UHRF1: variants seen among roughly 807,000 people sequenced by gnomAD.
UHRF1 encodes ubiquitin like with PHD and ring finger domains 1.
UHRF1 carries 9 observed loss-of-function variants against 96.5 expected under a neutral mutation model. The observed-to-expected ratio is 0.09, with a 90% CI of 0.06 to 0.16. UHRF1 has a LOEUF of 0.16. UHRF1 is among the 10% of genes least tolerant of loss of function. The pLI is 1.00. For synonymous variants in UHRF1, 455 were observed against 469.9 expected, an observed-to-expected ratio of 0.97 and a Z score of 0.41; for missense variants, 626 against 1,131.1, an observed-to-expected ratio of 0.55 and a Z score of 6.40.
chr19:4,924,781 C>A (rs8107622), intron 2 of UHRF1, among the ~76,000 whole-genome samples: 1,599 of 151,326 alleles, frequency 0.011, 33 homozygotes, highest in African/African-American at 0.037. Context: ...ATCTTCATCT[C>A]TGAGTCCACA....
rs1164677600 is a variant in UHRF1 at position 4,960,820 on chromosome 19, G to C, written c.*17G>C. 1.4e-6 allele frequency: 2 copies of C among 1,446,396 alleles called. No individual in the cohort carries two copies. The highest frequency in any genetic ancestry group is 2.0e-5 in the Admixed American group (1 of 50,966). The allele number at this position is 1,446,396 out of a possible 1,614,324, so 89.6% of individuals were successfully genotyped here. A position where few individuals can be genotyped will look rare whatever the true frequency, so the allele number is the denominator to read the frequency against. ...GGCCGGTGATCTCCAAGCACTTCTCGACAGGCGTTTTGCTGAAAACGTGTC... is the reference window on the plus strand; with the variant it reads ...GGCCGGTGATCTCCAAGCACTTCTCCACAGGCGTTTTGCTGAAAACGTGTC... On this transcript the variant is annotated 3_prime_UTR_variant, in exon 17 of 17. Coordinates refer to ENST00000650932, the MANE Select transcript of UHRF1 (RefSeq NM_001048201.3).
At chr19:4,909,284 C>T (rs2032149488), upstream of UHRF1, 2 of 535,102 alleles carry the variant, frequency 3.7e-6, no homozygotes, top group Middle Eastern at 2.9e-4. Flanking sequence ...GCCACGCAGC[C>T]CCTTTGCACG....
intron 2 of UHRF1, among the ~76,000 whole-genome samples, chr19:4,928,941 G>A (rs541956064): frequency 1.1e-4 from 16 of 152,356 alleles, no homozygotes; most frequent in Admixed American, 4.6e-4. Flanking sequence ...CCATGTGTGC[G>A]TGGTGCCCCG....
chr19:4,922,258 A>G (rs890616976), intron 2 of UHRF1, among the ~76,000 whole-genome samples: 2 of 145,510 alleles, frequency 1.4e-5, no homozygotes, highest in African/African-American at 5.1e-5. Flanking sequence ...TTTGTTTTTT[A>G]TGTTTTCATT....
chr19:4,932,084 A>G (rs922993563), intron 4 of UHRF1, among the ~76,000 whole-genome samples: 3 of 151,924 alleles, frequency 2.0e-5, no homozygotes, highest in Admixed American at 6.6e-5. Context: ...ATGCGCCACC[A>G]CGCCTGGCTA....
At chr19:4,923,628 A>G (rs959325253) in intron 2 of UHRF1, among the ~76,000 whole-genome samples, 6 of 152,166 alleles carry the variant, frequency 3.9e-5, no homozygotes. Context: ...CCCTCTGCGC[A>G]CGTGGCCTTC....
At chr19:4,937,457 A>T (rs368357100) in intron 5 of UHRF1, among the ~76,000 whole-genome samples, 2 of 151,804 alleles carry the variant, frequency 1.3e-5, no homozygotes, top group African/African-American at 4.8e-5. Context: ...CGCCTCCTGG[A>T]TTCAAACGAT....
Position 4,913,782 on chromosome 19 carries a change from C to T in UHRF1, c.153+2744C>T, listed in dbSNP as rs562688674. On this transcript the variant is annotated intron_variant, in intron 2 of 16. Transcript: ENST00000650932. ...CATAACCGCCTCTTAGTTCCCTTAC[C>T]CTGTGGCTGTTTCCCATGCAGTAGC... Among the ~76,000 whole-genome samples the T allele has an allele frequency of 7.9e-5, 12 of 151,272 alleles. No individual in the cohort carries two copies. The East Asian group carries it at 2.3e-3, about 29-fold the overall frequency.
At chr19:4,941,478 T>G in intron 5 of UHRF1, 50 bp from the exon 6 acceptor site, 2 of 1,483,626 alleles carry the variant, frequency 1.3e-6, no homozygotes, top group Non-Finnish European at 1.9e-6. Flanking sequence ...TGTGAGTAGA[T>G]TTAGGGGCCT....
chr19:4,933,242 T>A (rs1311422926), intron 5 of UHRF1, among the ~76,000 whole-genome samples: 1 of 152,144 alleles, frequency 6.6e-6, no homozygotes, highest in Non-Finnish European at 1.5e-5. Context: ...GGTGTTTTTT[T>A]TATCGCTCTG....
Position 4,956,513 on chromosome 19 carries a change from T to C in UHRF1, c.2131-196T>C, listed in dbSNP as rs371348935. ...CCTCCCCACCTTGCCACTTGGGGTG[T>C]TGGGGACTTCAGGTGAGGCTCATGC... On this transcript the variant is annotated intron_variant, in intron 15 of 16. Coordinates refer to ENST00000650932, the MANE Select transcript of UHRF1 (RefSeq NM_001048201.3). 1.0e-3 allele frequency among the ~76,000 whole-genome samples: 159 copies of C among 152,322 alleles called. 3 individuals are homozygous for C. The South Asian group carries it at 0.03, about 29-fold the overall frequency.
At chr19:4,905,674 C>T (rs1472675705), upstream of UHRF1, among the ~76,000 whole-genome samples, 3 of 151,998 alleles carry the variant, frequency 2.0e-5, no homozygotes, top group Admixed American at 6.6e-5. Context: ...CGTGCCACCA[C>T]ATCTGGCTAA....
At chr19:4,923,523 C>G (rs74757835) in intron 2 of UHRF1, among the ~76,000 whole-genome samples, 6 of 152,204 alleles carry the variant, frequency 3.9e-5, no homozygotes. Context: ...GAGCCATGAG[C>G]GCGGCCTGTG....
chr19:4,929,616 C>T (rs956823538), intron 3 of UHRF1, 140 bp downstream of exon 3: 6 of 1,199,536 alleles, frequency 5.0e-6, no homozygotes, highest in South Asian at 1.6e-5. Context: ...GGGGTGGTTT[C>T]CTGCACGTTC....
chr19:4,909,908 A>C (rs1305487953), intron 1 of UHRF1, among the ~76,000 whole-genome samples: 1 of 150,156 alleles, frequency 6.7e-6, no homozygotes, highest in East Asian at 2.0e-4. Context: ...GGGCCTGGCG[A>C]GCCGCCGGGG....
intron 2 of UHRF1, among the ~76,000 whole-genome samples, chr19:4,913,724 T>A (rs1364062309): frequency 6.6e-6 from 1 of 152,086 alleles, no homozygotes; most frequent in East Asian, 1.9e-4. Flanking sequence ...GCTCTGGTAG[T>A]TATGAAAAGA....
At chr19:4,909,285 C>T (rs970862916), upstream of UHRF1, 3 of 540,448 alleles carry the variant, frequency 5.6e-6, no homozygotes, top group African/African-American at 6.1e-5. Context: ...CCACGCAGCC[C>T]CTTTGCACGC....
At chr19:4,924,870 A>G (rs141054435) in intron 2 of UHRF1, among the ~76,000 whole-genome samples, 1 of 140,584 alleles carries the variant, frequency 7.1e-6, no homozygotes, top group East Asian at 2.1e-4. Flanking sequence ...CTTGTCGCCC[A>G]GGCTGGAATG....
intron 2 of UHRF1, among the ~76,000 whole-genome samples, chr19:4,925,404 T>TTG (rs2032837417): frequency 6.6e-6 from 1 of 152,202 alleles, no homozygotes; most frequent in Non-Finnish European, 1.5e-5. Flanking sequence ...GCGTGGCCTT[T>TTG]TGTGTCTGGT....
Sources: gnomAD v4.1 joint callset for allele counts (sites outside exome capture counted in the v4.1 genomes callset) on GRCh38, gnomAD v4.1.1 for gene constraint, MANE v1.5 for transcripts, NCBI Gene and HGNC (gene_info 2026-07-23, HGNC 2026-07-21) for gene names.